The following ERBB4 variants were observed in gnomAD, a reference collection of about 807,000 sequenced individuals.
The protein encoded by ERBB4 is erb-b2 receptor tyrosine kinase 4.
Under a neutral mutation model 158.0 loss-of-function variants are expected in ERBB4, and 42 were observed. That is an observed-to-expected ratio of 0.27 (90% CI 0.21 to 0.34). The LOEUF is 0.34. Among genes scored for constraint, ERBB4 ranks in the 10% least tolerant of loss-of-function variants. ERBB4 has a pLI of 1.00. For missense variants in ERBB4, 1,333 were observed against 1,624.1 expected, an observed-to-expected ratio of 0.82 and a Z score of 3.08; for synonymous variants, 583 against 558.7, an observed-to-expected ratio of 1.04 and a Z score of -0.61.
chr2:211,803,200 T>C (rs1412727173), intron 3 of ERBB4, among the ~76,000 whole-genome samples: 3 of 152,202 alleles, frequency 2.0e-5, no homozygotes, highest in Non-Finnish European at 2.9e-5. Flanking sequence ...TAATCCAACA[T>C]TGCTTTTCAG....
intron 1 of ERBB4, among the ~76,000 whole-genome samples, chr2:212,487,249 A>G (rs7568763): frequency 0.14 from 21,638 of 152,102 alleles, 1,651 homozygotes; most frequent in African/African-American, 0.17. Flanking sequence ...TAATTCAGTA[A>G]TATAAAACAT....
chr2:212,198,715 G>A (rs1422819668), intron 1 of ERBB4, among the ~76,000 whole-genome samples: 2 of 150,504 alleles, frequency 1.3e-5, no homozygotes, highest in Middle Eastern at 3.4e-3. Flanking sequence ...AGGGATTACA[G>A]GTGTGTATCA....
intron 3 of ERBB4, among the ~76,000 whole-genome samples, chr2:211,855,175 C>T (rs1223992152): frequency 6.6e-6 from 1 of 152,046 alleles, no homozygotes; most frequent in Non-Finnish European, 1.5e-5. Flanking sequence ...CAAGATTTTG[C>T]ACATTTTTTA....
chr2:212,341,684 C>T (rs1206053228), intron 1 of ERBB4, among the ~76,000 whole-genome samples: 3 of 152,030 alleles, frequency 2.0e-5, no homozygotes, highest in Non-Finnish European at 4.4e-5. Context: ...AGGCATTTTG[C>T]AATTTCTTTA....
intron 1 of ERBB4, among the ~76,000 whole-genome samples, chr2:212,348,007 G>A (rs546346050): frequency 3.9e-5 from 6 of 151,988 alleles, no homozygotes; most frequent in Non-Finnish European, 8.8e-5. Context: ...GGATGGAGGG[G>A]TATTTTGTCA....
chr2:211,736,958 C>T (rs535901419), intron 5 of ERBB4, among the ~76,000 whole-genome samples: 201 of 152,100 alleles, frequency 1.3e-3, no homozygotes, highest in African/African-American at 4.7e-3. Context: ...GACAAAAGTT[C>T]GGAAGTCCTC....
In ERBB4 at chr2:211,930,394, A is replaced by G. The variant is rs574847841; in HGVS notation, c.421+17036T>C. ...ACGGAGTAAAAGAATACAAACAAACATGAAGTAAGTCTAAACACTTGTGAA... is the reference window on the plus strand; with the variant it reads ...ACGGAGTAAAAGAATACAAACAAACGTGAAGTAAGTCTAAACACTTGTGAA... On this transcript the variant is annotated intron_variant, in intron 3 of 27. Coordinates refer to ENST00000342788, the MANE Select transcript of ERBB4 (RefSeq NM_005235.3). Among the ~76,000 whole-genome samples, 172 of 152,288 alleles carry G rather than the reference A, an allele frequency of 1.1e-3. 1 individual carries two copies. Among genetic ancestry groups the G allele is most frequent in the African/African-American group, 3.5e-3 (145 of 41,566 alleles).
At chr2:212,269,660 A>G (rs1179722742) in intron 1 of ERBB4, among the ~76,000 whole-genome samples, 1 of 151,868 alleles carries the variant, frequency 6.6e-6, no homozygotes. Context: ...TTTTGTGTCT[A>G]AAGTGTTGAT....
intron 1 of ERBB4, among the ~76,000 whole-genome samples, chr2:212,434,282 G>A (rs1310264473): frequency 6.6e-6 from 1 of 151,830 alleles, no homozygotes; most frequent in East Asian, 1.9e-4. Context: ...TCATATGACT[G>A]GACACTGTTT....
At chr2:211,661,758 G>A (rs1417368144) in intron 15 of ERBB4, among the ~76,000 whole-genome samples, 4 of 151,894 alleles carry the variant, frequency 2.6e-5, no homozygotes, top group African/African-American at 4.8e-5. Flanking sequence ...ATTAAGGTAC[G>A]GCCGGGCGCG....
At chr2:211,919,739 A>G (rs1395329555) in intron 3 of ERBB4, among the ~76,000 whole-genome samples, 1 of 152,012 alleles carries the variant, frequency 6.6e-6, no homozygotes, top group Non-Finnish European at 1.5e-5. Flanking sequence ...AGAAGTTAGA[A>G]GTTGTTTATG....
chr2:211,749,046 A>T (rs901917435), intron 5 of ERBB4, among the ~76,000 whole-genome samples: 12 of 152,240 alleles, frequency 7.9e-5, no homozygotes, highest in Non-Finnish European at 1.3e-4. Flanking sequence ...TTCCTGCCAT[A>T]AAACATTGTT....
At chr2:211,413,309 A>AAAAAAAAAAAAAAAACAC (rs1553524037) in intron 25 of ERBB4, among the ~76,000 whole-genome samples, 4 of 94,576 alleles carry the variant, frequency 4.2e-5, no homozygotes, top group Non-Finnish European at 4.7e-5. Flanking sequence ...CTGTCTTAAA[A>AAAAAAAAAAAAAAAACAC]ACACACACAC....
At chr2:212,319,544 A>C (rs984289107) in intron 1 of ERBB4, among the ~76,000 whole-genome samples, 4 of 150,640 alleles carry the variant, frequency 2.7e-5, no homozygotes, top group Non-Finnish European at 6.0e-5. Context: ...ATTTAAATCC[A>C]TGTAAGATTG....
chr2:212,446,132 T>C (rs1414702880), intron 1 of ERBB4, among the ~76,000 whole-genome samples: 2 of 152,264 alleles, frequency 1.3e-5, no homozygotes, highest in African/African-American at 4.8e-5. Flanking sequence ...GACCTTATTG[T>C]CTTTACTTGG....
At chr2:211,521,525 A>G (rs1362414167) in intron 20 of ERBB4, among the ~76,000 whole-genome samples, 2 of 152,190 alleles carry the variant, frequency 1.3e-5, no homozygotes, top group Non-Finnish European at 2.9e-5. Flanking sequence ...CTGATATAGA[A>G]GAAGCTGTAG....
At chr2:212,188,270 T>TCTCC (rs2082089982) in intron 1 of ERBB4, among the ~76,000 whole-genome samples, 1 of 15,932 alleles carries the variant, frequency 6.3e-5, no homozygotes, top group Non-Finnish European at 2.7e-4. Flanking sequence ...CTCCCTCTTC[T>TCTCC]CTCCCTCCCT....
At chr2:211,956,769 T>C (rs1008841308) in intron 2 of ERBB4, among the ~76,000 whole-genome samples, 3 of 152,100 alleles carry the variant, frequency 2.0e-5, no homozygotes, top group Admixed American at 6.6e-5. Context: ...CATAAAGATA[T>C]AGCTTCAGTC....
At chr2:211,934,020 G>C (rs974381971) in intron 3 of ERBB4, among the ~76,000 whole-genome samples, 3 of 151,794 alleles carry the variant, frequency 2.0e-5, no homozygotes, top group Non-Finnish European at 2.9e-5. Context: ...TTAGTTAGAG[G>C]GTTTCTAAAC....
Sources: allele counts gnomAD v4.1 joint callset (sites outside exome capture counted in the v4.1 genomes callset), GRCh38; gene constraint gnomAD v4.1.1; transcripts MANE v1.5; gene names NCBI Gene and HGNC (gene_info 2026-07-23, HGNC 2026-07-21).